Variants in PPFIA2 observed in about 807,000 individuals in gnomAD.
The protein encoded by PPFIA2 is liprin-alpha-2.
Under a neutral mutation model 175.5 loss-of-function variants are expected in PPFIA2, and 46 were observed. That is an observed-to-expected ratio of 0.26 (90% CI 0.21 to 0.34). PPFIA2 has a LOEUF of 0.34. Among genes scored for constraint, PPFIA2 ranks in the 10% least tolerant of loss-of-function variants. The pLI, the probability that PPFIA2 is intolerant of heterozygous loss-of-function variation, is 1.00. For missense variants in PPFIA2, 1,179 were observed against 1,506.1 expected, an observed-to-expected ratio of 0.78 and a Z score of 3.60; for synonymous variants, 568 against 511.4, an observed-to-expected ratio of 1.11 and a Z score of -1.49.
At chr12:81,512,223 T>C (rs1201440403) in intron 4 of PPFIA2, 1 of 908,016 alleles carries the variant, frequency 1.1e-6, no homozygotes, top group African/African-American at 1.7e-5. Flanking sequence ...TAAAGTCCCT[T>C]AACGGCTCCC....
intron 8 of PPFIA2, among the ~76,000 whole-genome samples, chr12:81,401,115 C>T (rs2042026870): frequency 6.6e-6 from 1 of 151,854 alleles, no homozygotes. Context: ...ATATCTATGC[C>T]CTTTTACACT....
intron 4 of PPFIA2, among the ~76,000 whole-genome samples, chr12:81,636,926 G>A (rs1257660449): frequency 1.3e-5 from 2 of 151,890 alleles, no homozygotes; most frequent in East Asian, 3.9e-4. Flanking sequence ...GTGCTGGGTA[G>A]AATGAAATTT....
intron 3 of PPFIA2, among the ~76,000 whole-genome samples, chr12:81,736,995 T>C (rs1424524522): frequency 6.6e-6 from 1 of 152,026 alleles, no homozygotes; most frequent in African/African-American, 2.4e-5. Flanking sequence ...CTTATTAAAG[T>C]TGCAGACTTC....
chr12:81,670,568 T>C (rs1489331568), intron 4 of PPFIA2, among the ~76,000 whole-genome samples: 1 of 151,900 alleles, frequency 6.6e-6, no homozygotes, highest in Non-Finnish European at 1.5e-5. Flanking sequence ...CAATCCCATC[T>C]CCTCTATTGG....
At chr12:81,282,030 T>A (rs2042198436) in intron 26 of PPFIA2, among the ~76,000 whole-genome samples, 1 of 151,988 alleles carries the variant, frequency 6.6e-6, no homozygotes, top group Non-Finnish European at 1.5e-5. Context: ...TTTCTAGAAA[T>A]TAATCAAGAT....
chr12:81,556,499 C>T (rs1303899358), intron 4 of PPFIA2, among the ~76,000 whole-genome samples: 2 of 151,798 alleles, frequency 1.3e-5, no homozygotes, highest in African/African-American at 2.4e-5. Flanking sequence ...ACTAACATAA[C>T]ATATATTGAT....
chr12:81,674,811 T>C (rs2072152718), intron 4 of PPFIA2, among the ~76,000 whole-genome samples: 1 of 152,024 alleles, frequency 6.6e-6, no homozygotes, highest in Non-Finnish European at 1.5e-5. Flanking sequence ...TATTCTTAAA[T>C]AATGGAAGTA....
chr12:81,594,477 C>T (rs1010303735), intron 4 of PPFIA2, among the ~76,000 whole-genome samples: 2 of 151,976 alleles, frequency 1.3e-5, no homozygotes, highest in Non-Finnish European at 2.9e-5. Flanking sequence ...AGAAATTATT[C>T]CTTTGGTTTG....
intron 3 of PPFIA2, among the ~76,000 whole-genome samples, chr12:81,686,546 C>T (rs2074444632): frequency 6.6e-6 from 1 of 152,032 alleles, no homozygotes; most frequent in Non-Finnish European, 1.5e-5. Flanking sequence ...TAATTCCTGA[C>T]TCAGTCTCAA....
intron 4 of PPFIA2, among the ~76,000 whole-genome samples, chr12:81,633,429 C>T (rs17008848): frequency 6.6e-6 from 1 of 151,842 alleles, no homozygotes; most frequent in Non-Finnish European, 1.5e-5. Flanking sequence ...TAGTTGCTGG[C>T]AATGTTCTTG....
intron 24 of PPFIA2, among the ~76,000 whole-genome samples, chr12:81,291,936 C>G (rs1416437395): frequency 6.6e-6 from 1 of 152,056 alleles, no homozygotes; most frequent in Non-Finnish European, 1.5e-5. Flanking sequence ...TCGAGGTGAA[C>G]TGAGGCTAGA....
intron 16 of PPFIA2, among the ~76,000 whole-genome samples, chr12:81,356,844 C>A (rs945553378): frequency 1.3e-5 from 2 of 151,986 alleles, no homozygotes; most frequent in African/African-American, 4.8e-5. Context: ...TACAATAAAG[C>A]AAAGCACAGT....
intron 7 of PPFIA2, among the ~76,000 whole-genome samples, chr12:81,431,973 A>T (rs2048176152): frequency 6.6e-6 from 1 of 152,128 alleles, no homozygotes; most frequent in Admixed American, 6.6e-5. Context: ...TTGTAGCACC[A>T]TCTGTTTTTC....
intron 31 of PPFIA2, 71 bp downstream of exon 31, chr12:81,263,160 G>A (rs1468504319): frequency 8.7e-6 from 12 of 1,385,440 alleles, no homozygotes; most frequent in Non-Finnish European, 1.2e-5. Context: ...AAAAAGCAAG[G>A]TCAGAGAATT....
At chr12:81,519,856 T>C (rs996895470) in intron 4 of PPFIA2, among the ~76,000 whole-genome samples, 2 of 152,222 alleles carry the variant, frequency 1.3e-5, no homozygotes, top group Non-Finnish European at 2.9e-5. Context: ...TGAAAACAGG[T>C]AGTACCAAAT....
intron 7 of PPFIA2, among the ~76,000 whole-genome samples, chr12:81,429,763 A>G (rs1253821328): frequency 2.6e-5 from 4 of 152,072 alleles, no homozygotes; most frequent in Admixed American, 6.6e-5. Flanking sequence ...AAATAACTTT[A>G]TAGATTTAAA....
At chr12:81,260,687 C>T (rs1170849677) in intron 32 of PPFIA2, 1 of 152,132 alleles carries the variant, frequency 6.6e-6, no homozygotes, top group African/African-American at 2.4e-5. Context: ...CTGCTCCCAT[C>T]CTAAGCCCAA....
In PPFIA2 at chr12:81,558,508, C is replaced by T. The variant is rs149895085; in HGVS notation, c.304-100642G>A. ...TTACACTACCTGGAGAGAACATTCCCGTGCTTTCACATGGAATATAGGATG... is the reference window on the plus strand; with the variant it reads ...TTACACTACCTGGAGAGAACATTCCTGTGCTTTCACATGGAATATAGGATG... On this transcript the variant is annotated intron_variant, in intron 4 of 32. Transcript: ENST00000549396. Among the ~76,000 whole-genome samples the T allele has an allele frequency of 3.0e-3, 462 of 152,268 alleles. 3 individuals are homozygous for T. Among genetic ancestry groups the T allele is most frequent in the Non-Finnish European group, 5.1e-3 (347 of 68,016 alleles).
At chr12:81,633,717 A>G (rs2063662151) in intron 4 of PPFIA2, among the ~76,000 whole-genome samples, 1 of 152,094 alleles carries the variant, frequency 6.6e-6, no homozygotes, top group Non-Finnish European at 1.5e-5. Flanking sequence ...AAATTGGATA[A>G]TTAAGTAGAT....
Sources: gnomAD v4.1 joint callset for allele counts (sites outside exome capture counted in the v4.1 genomes callset) on GRCh38, gnomAD v4.1.1 for gene constraint, MANE v1.5 for transcripts, NCBI Gene and HGNC (gene_info 2026-07-23, HGNC 2026-07-21) for gene names.